SHROOM4: variants seen among roughly 807,000 people sequenced by gnomAD.
SHROOM4 encodes protein Shroom4.
In SHROOM4, 17 loss-of-function variants were observed where a neutral mutation model predicts 80.3. The observed-to-expected ratio is 0.21, with a 90% CI of 0.14 to 0.32. The LOEUF is 0.32. Among genes scored for constraint, SHROOM4 ranks in the 10% least tolerant of loss-of-function variants. The pLI, the probability that SHROOM4 is intolerant of heterozygous loss-of-function variation, is 1.00. For missense variants in SHROOM4, 993 were observed against 1,140.3 expected (o/e 0.87, Z 1.86); for synonymous variants, 400 against 437.5 (o/e 0.91, Z 1.07).
rs1275631181 is a variant in SHROOM4, at chrX:50,665,342, A to AATT, written c.270-27037_270-27035dup. Among the ~76,000 whole-genome samples the AATT allele has an allele frequency of 2.7e-5, 3 of 111,319 alleles. No individual in the cohort carries two copies. The Admixed American group carries it at 2.9e-4, about 11-fold the overall frequency. On this transcript the variant is annotated intron_variant, in intron 2 of 8. Coordinates refer to ENST00000376020, the MANE Select transcript of SHROOM4 (RefSeq NM_020717.5). ...AAGCCTGGGTAACTTAGAAATCCTCAATTATCCTCTCAGATCAATTTACAA... is the reference window on the plus strand; with the variant it reads ...AAGCCTGGGTAACTTAGAAATCCTCAATTATTATCCTCTCAGATCAATTTACAA...
At chrX:50,672,029 C>T (rs1932802254) in intron 2 of SHROOM4, among the ~76,000 whole-genome samples, 1 of 111,809 alleles carries the variant, frequency 8.9e-6, no homozygotes, top group South Asian at 3.7e-4. Context: ...ATAGGGAGGT[C>T]TGAGGAGAGG....
At chrX:50,579,961 T>G in the SHROOM4 span, among the ~76,000 whole-genome samples, 1 of 111,781 alleles carries the variant, frequency 8.9e-6, no homozygotes. Flanking sequence ...CTCACTGTAG[T>G]TTACTTGCTG....
At chrX:50,743,403 T>C (rs984059518) in intron 1 of SHROOM4, among the ~76,000 whole-genome samples, 1 of 111,342 alleles carries the variant, frequency 9.0e-6, no homozygotes, top group Non-Finnish European at 1.9e-5. Flanking sequence ...GGGCTCTTTA[T>C]GGATTCAAAT....
Position 50,607,521 on chromosome X carries a change from G to T in SHROOM4, c.3621C>A (p.Ser1207=), listed in dbSNP as rs782020993. ...AGAAATCACTGGAATGGAGTGCAAA[G>T]GATTCTTGCTCTGCTGGGACACTTT... is the stretch of plus-strand genomic sequence containing the variant. The part of the protein sequence containing the change: ...GSQSVPAEQE[S]FALHSSDFLP... Residue 1207 remains serine (S), a synonymous_variant, in exon 6 of 9, where the codon TCC becomes TCA. Coordinates refer to ENST00000376020, the MANE Select transcript of SHROOM4 (RefSeq NM_020717.5). The T allele has an allele frequency of 8.3e-7, 1 of 1,209,373 alleles. No individual in the cohort carries two copies. Among genetic ancestry groups the T allele is most frequent in the African/African-American group, 1.8e-5 (1 of 56,927 alleles).
At chrX:50,805,680 G>A (rs1936212644) in intron 1 of SHROOM4, among the ~76,000 whole-genome samples, 1 of 111,753 alleles carries the variant, frequency 8.9e-6, no homozygotes, top group South Asian at 3.8e-4. Context: ...AGGGTCCTTA[G>A]CAACCCTTCA....
intron 1 of SHROOM4, among the ~76,000 whole-genome samples, chrX:50,747,447 G>A (rs1398398476): frequency 8.9e-6 from 1 of 111,908 alleles, no homozygotes; most frequent in Non-Finnish European, 1.9e-5. Flanking sequence ...ACATGACAGC[G>A]AACCACAAAT....
intron 1 of SHROOM4, among the ~76,000 whole-genome samples, chrX:50,813,545 G>C (rs1557273677): frequency 8.9e-6 from 1 of 112,458 alleles, no homozygotes; most frequent in African/African-American, 3.2e-5. Context: ...CTGTCCCGCA[G>C]GGACGCAGAG....
Position 50,589,290 on chromosome X carries a change from C to T in SHROOM4, c.*7405G>A, listed in dbSNP as rs1267581531. On this transcript the variant is annotated 3_prime_UTR_variant, in exon 9 of 9. Transcript: ENST00000376020. ...TCAATAGCTTTTTTAAAAAAACACA[C>T]TTATTGAGAAATAATTCATATACCA... Among the ~76,000 whole-genome samples, 1 of 111,968 alleles carries T rather than the reference C, an allele frequency of 8.9e-6. No homozygotes were observed. The highest frequency in any genetic ancestry group is 1.9e-5 in the Non-Finnish European group (1 of 53,191).
intron 2 of SHROOM4, among the ~76,000 whole-genome samples, chrX:50,694,858 C>T (rs1265242350): frequency 1.9e-5 from 2 of 106,088 alleles, no homozygotes; most frequent in African/African-American, 6.9e-5. Flanking sequence ...AGGAGAAAGA[C>T]GGGGCAGGAG....
At chrX:50,681,558 T>C (rs1375646856) in intron 2 of SHROOM4, among the ~76,000 whole-genome samples, 1 of 112,167 alleles carries the variant, frequency 8.9e-6, no homozygotes, top group African/African-American at 3.2e-5. Flanking sequence ...AATATCTTCA[T>C]AGTGGTCTTC....
intron 1 of SHROOM4, among the ~76,000 whole-genome samples, chrX:50,786,853 G>A (rs1935750362): frequency 9.0e-6 from 1 of 111,395 alleles, no homozygotes; most frequent in Admixed American, 9.5e-5. Context: ...ACATAAAGAT[G>A]TTCAAGGAGG....
chrX:50,745,335 T>C (rs1934750795), intron 1 of SHROOM4, among the ~76,000 whole-genome samples: 1 of 111,424 alleles, frequency 9.0e-6, no homozygotes, highest in African/African-American at 3.3e-5. Context: ...CCCCATAGGC[T>C]ATGTTACTAT....
chrX:50,683,531 CAA>C (rs2147422345), intron 2 of SHROOM4, among the ~76,000 whole-genome samples: 1 of 111,344 alleles, frequency 9.0e-6, no homozygotes, highest in South Asian at 3.8e-4. Context: ...AGTGAGCAAA[CAA>C]GAGAGAAGAA....
intron 2 of SHROOM4, among the ~76,000 whole-genome samples, chrX:50,686,068 T>TGC (rs1569547611): frequency 0.05 from 5,552 of 110,594 alleles, 355 homozygotes; most frequent in African/African-American, 0.17. Flanking sequence ...GGCTCTGTCT[T>TGC]CCAGGCTGGA....
In SHROOM4 at chrX:50,813,875, G is replaced by A. The variant is rs782660144; in HGVS notation, c.117+27C>T. The A allele has an allele frequency of 4.5e-6, 5 of 1,100,009 alleles. No homozygotes were observed. The African/African-American group carries it at 9.1e-5, about 20-fold the overall frequency. The allele number at this position is 1,100,009 out of a possible 1,213,427, so 90.7% of individuals were successfully genotyped here. A position where few individuals can be genotyped will look rare whatever the true frequency, so the allele number is the denominator to read the frequency against. ...GCTTGTCCATTCAAAGTTAGGCGCC[G>A]TTAGGACATCAGCCGCCAGTTCTTA... On this transcript the variant is annotated intron_variant, in intron 1 of 8. Coordinates refer to ENST00000376020, the MANE Select transcript of SHROOM4 (RefSeq NM_020717.5).
At chrX:50,785,252 A>G (rs1455847733) in intron 1 of SHROOM4, among the ~76,000 whole-genome samples, 8 of 111,774 alleles carry the variant, frequency 7.2e-5, no homozygotes, top group South Asian at 3.7e-4. Context: ...CAGCCATTCT[A>G]CTCATAGATT....
intron 2 of SHROOM4, among the ~76,000 whole-genome samples, chrX:50,638,920 T>C (rs1015151007): frequency 1.1e-4 from 12 of 111,805 alleles, no homozygotes; most frequent in Non-Finnish European, 1.1e-4. Flanking sequence ...ATTGACAGAG[T>C]GAAAGATAAG....
intron 2 of SHROOM4, among the ~76,000 whole-genome samples, chrX:50,670,520 T>C (rs1416981454): frequency 1.8e-5 from 2 of 111,896 alleles, no homozygotes; most frequent in Non-Finnish European, 3.8e-5. Flanking sequence ...TGATAGGCAT[T>C]TGGGTTGGTT....
At chrX:50,650,751 T>A (rs1345453324) in intron 2 of SHROOM4, among the ~76,000 whole-genome samples, 3 of 112,480 alleles carry the variant, frequency 2.7e-5, no homozygotes, top group Non-Finnish European at 3.8e-5. Flanking sequence ...GACATATTCT[T>A]AAATTAGGAA....
Sources: gnomAD v4.1 joint callset for allele counts (sites outside exome capture counted in the v4.1 genomes callset) on GRCh38, gnomAD v4.1.1 for gene constraint, MANE v1.5 for transcripts, NCBI Gene and HGNC (gene_info 2026-07-23, HGNC 2026-07-21) for gene names.